ST3GAL4: variants seen among roughly 807,000 people sequenced by gnomAD.
The protein encoded by ST3GAL4 is CMP-N-acetylneuraminate-beta-galactosamide-alpha-2,3-sialyltransferase 4.
ST3GAL4 carries 24 observed loss-of-function variants against 42.6 expected under a neutral mutation model. The observed-to-expected ratio is 0.56, with a 90% confidence interval of 0.41 to 0.79. ST3GAL4 has a LOEUF of 0.79. ST3GAL4 is among the 30% of genes least tolerant of loss of function. The pLI, the probability that ST3GAL4 is intolerant of heterozygous loss-of-function variation, is 0.00. For synonymous variants in ST3GAL4, 135 were observed against 163.2 expected, an observed-to-expected ratio of 0.83 and a Z score of 1.32; for missense variants, 311 against 430.8, an observed-to-expected ratio of 0.72 and a Z score of 2.46.
Position 126,393,037 on chromosome 11 carries a change from C to T in ST3GAL4, c.-60-13059C>T, listed in dbSNP as rs1953578046. 6.7e-6 allele frequency among the ~76,000 whole-genome samples: 1 copy of T among 150,124 alleles called. No homozygotes were observed. Among genetic ancestry groups the T allele is most frequent in the Non-Finnish European group, 1.5e-5 (1 of 67,848 alleles). On this transcript the variant is annotated intron_variant, in intron 1 of 10. Transcript: ENST00000444328. This position sits in a 1 kb window ranked among gnomAD's most constrained non-coding sequence, Gnocchi z 5.9. ...CTTACTGCAGCCTCGATCTCCTGGA[C>T]TCAGGGGGTCCTCCTGTCTCAGCCT...
intron 10 of ST3GAL4, 133 bp from the exon 11 acceptor site, chr11:126,413,828 T>G: frequency 7.1e-7 from 1 of 1,400,948 alleles, no homozygotes; most frequent in South Asian, 1.3e-5. Context: ...GGGCTTTGTC[T>G]TCCTTCCAAG....
chr11:126,389,142 T>A (rs550968970), intron 1 of ST3GAL4, among the ~76,000 whole-genome samples: 103 of 152,346 alleles, frequency 6.8e-4, no homozygotes, highest in African/African-American at 2.4e-3. Flanking sequence ...TTGCACTTGC[T>A]GTCTGTCTCA....
chr11:126,409,576 G>C lies in ST3GAL4; in HGVS notation c.771+165G>C, dbSNP rs1954427799. 6.6e-6 allele frequency among the ~76,000 whole-genome samples: 1 copy of C among 152,190 alleles called. No individual in the cohort carries two copies. Among genetic ancestry groups the C allele is most frequent in the African/African-American group, 2.4e-5 (1 of 41,444 alleles). On this transcript the variant is annotated intron_variant, in intron 9 of 10. Coordinates refer to ENST00000444328, the MANE Select transcript of ST3GAL4 (RefSeq NM_001254757.2). The surrounding 1 kb of genome is among the most constrained non-coding windows in gnomAD (Gnocchi z 4.9). ...ATTAAAGTTGCTGCTGCAAAGGGGA[G>C]TGCACACTTTAGAGAACCAAGGGGC...
intron 9 of ST3GAL4, among the ~76,000 whole-genome samples, chr11:126,412,940 C>T (rs934021397): frequency 2.6e-5 from 4 of 152,236 alleles, no homozygotes; most frequent in African/African-American, 9.7e-5. Context: ...AACATAGTGT[C>T]TGGCACATAG....
chr11:126,396,998 T>C lies in ST3GAL4; in HGVS notation c.-60-9098T>C, dbSNP rs111378978. Among the ~76,000 whole-genome samples the C allele has an allele frequency of 2.6e-5, 4 of 152,122 alleles. No individual in the cohort carries two copies. The highest frequency in any genetic ancestry group is 7.2e-5 in the African/African-American group (3 of 41,436). On this transcript the variant is annotated intron_variant, in intron 1 of 10. Transcript: ENST00000444328. This position sits in a 1 kb window ranked among gnomAD's most constrained non-coding sequence, Gnocchi z 5.8. ...GGATTTCCTACTGGTGTCTAGTAGGTAGAGGCCAGAGATGGCTGCTAAACA... is the reference window on the plus strand; with the variant it reads ...GGATTTCCTACTGGTGTCTAGTAGGCAGAGGCCAGAGATGGCTGCTAAACA...
intron 1 of ST3GAL4, among the ~76,000 whole-genome samples, chr11:126,368,818 CTG>C (rs1952528895): frequency 6.6e-6 from 1 of 152,218 alleles, no homozygotes; most frequent in Non-Finnish European, 1.5e-5. Context: ...TTGCACCCCA[CTG>C]TTTTAACTTG....
rs1368120382 is a variant in ST3GAL4, at chr11:126,397,080, A to C, written c.-60-9016A>C. ...GTGAACTCTCTGGCCCCTCCAAGTC[A>C]GTGGTGCAGAGATTGAGAGATCCTG... On this transcript the variant is annotated intron_variant, in intron 1 of 10. Transcript: ENST00000444328. The surrounding 1 kb of genome is among the most constrained non-coding windows in gnomAD (Gnocchi z 5.0). Among the ~76,000 whole-genome samples, 1 of 152,088 alleles carries C rather than the reference A, an allele frequency of 6.6e-6. No individual in the cohort carries two copies. The highest frequency in any genetic ancestry group is 1.9e-4 in the East Asian group (1 of 5,192).
At position 126,400,110 on chromosome 11, in the gene ST3GAL4, A is replaced by G. The variant is rs557204836; in HGVS notation, c.-60-5986A>G. 6.6e-6 allele frequency among the ~76,000 whole-genome samples: 1 copy of G among 151,078 alleles called. No individual in the cohort carries two copies. Among genetic ancestry groups the G allele is most frequent in the African/African-American group, 2.4e-5 (1 of 41,044 alleles). ...TGGCACCAATTTTCTGTCTTAGTCCATTTTGTGCTGCTGTAACAGAATACC... is the reference window on the plus strand; with the variant it reads ...TGGCACCAATTTTCTGTCTTAGTCCGTTTTGTGCTGCTGTAACAGAATACC... On this transcript the variant is annotated intron_variant, in intron 1 of 10. Transcript: ENST00000444328. The surrounding 1 kb of genome is among the most constrained non-coding windows in gnomAD (Gnocchi z 4.6).
chr11:126,374,800 C>G (rs1035768263), intron 1 of ST3GAL4, among the ~76,000 whole-genome samples: 3 of 152,084 alleles, frequency 2.0e-5, no homozygotes, highest in African/African-American at 4.8e-5. Flanking sequence ...TTGGCACTTG[C>G]AATTAGCGGA....
chr11:126,361,802 C>G (rs1952253111), intron 1 of ST3GAL4, among the ~76,000 whole-genome samples: 1 of 152,032 alleles, frequency 6.6e-6, no homozygotes, highest in African/African-American at 2.4e-5. Flanking sequence ...GGCTCTCAGC[C>G]CTTCCCTCCA....
At chr11:126,369,744 A>T (rs1952571742) in intron 1 of ST3GAL4, among the ~76,000 whole-genome samples, 1 of 152,066 alleles carries the variant, frequency 6.6e-6, no homozygotes, top group African/African-American at 2.4e-5. Context: ...CACACTCATC[A>T]GTTTGAAACA....
Position 126,386,137 on chromosome 11 carries a change from A to G in ST3GAL4, c.-60-19959A>G, listed in dbSNP as rs1953216619. Among the ~76,000 whole-genome samples, 1 of 152,052 alleles carries G rather than the reference A, an allele frequency of 6.6e-6. No individual in the cohort carries two copies. Among genetic ancestry groups the G allele is most frequent in the Admixed American group, 6.5e-5 (1 of 15,272 alleles). On this transcript the variant is annotated intron_variant, in intron 1 of 10. Transcript: ENST00000444328. The surrounding 1 kb of genome is among the most constrained non-coding windows in gnomAD (Gnocchi z 4.7). ...TGCCCTTCATGTAGGCCTCCGGTTT[A>G]TAGCCGGCTCCTCAGAGACATGGTT...
Position 126,392,133 on chromosome 11 carries a change from AC to A in ST3GAL4, c.-60-13959del, listed in dbSNP as rs1434443421. The A allele has an allele frequency of 3.1e-5, 5 of 161,724 alleles. No homozygotes were observed. Among genetic ancestry groups the A allele is most frequent in the African/African-American group, 7.2e-5 (3 of 41,686 alleles). 10.0% of individuals were successfully genotyped at this position (161,724 alleles called of 1,614,324 possible). On this transcript the variant is annotated intron_variant, in intron 1 of 10. Coordinates refer to ENST00000444328, the MANE Select transcript of ST3GAL4 (RefSeq NM_001254757.2). This position sits in a 1 kb window ranked among gnomAD's most constrained non-coding sequence, Gnocchi z 5.8. ...GATTGGCCTGTGGGCCTGAGTCCGTACCCCTTTTCACTGGCTCCTCCTGGAG... is the reference window on the plus strand; with the variant it reads ...GATTGGCCTGTGGGCCTGAGTCCGTACCCTTTTCACTGGCTCCTCCTGGAG...
Position 126,408,287 on chromosome 11 carries a change from ATCC to A in ST3GAL4, c.438-13_438-11del, listed in dbSNP as rs1565426365. 6.2e-7 allele frequency: 1 copy of A among 1,613,048 alleles called. No individual in the cohort carries two copies. Among genetic ancestry groups the A allele is most frequent in the Non-Finnish European group, 8.5e-7 (1 of 1,179,150 alleles). On this transcript the variant is annotated splice_polypyrimidine_tract_variant and intron_variant, in intron 7 of 10. Transcript: ENST00000444328. The stretch of plus-strand genomic sequence containing the variant: ...GCCCAGGAGGCCTCTAGTGATGGGA[ATCC>A]TCCTCCCAACCCCCAGATTGAACAA...
intron 9 of ST3GAL4, among the ~76,000 whole-genome samples, chr11:126,412,663 G>A (rs1954582244): frequency 6.6e-6 from 1 of 152,152 alleles, no homozygotes; most frequent in Non-Finnish European, 1.5e-5. Flanking sequence ...GCAACGTGGT[G>A]AAACCCCATC....
chr11:126,390,158 G>A (rs1250171199), intron 1 of ST3GAL4, among the ~76,000 whole-genome samples: 3 of 151,774 alleles, frequency 2.0e-5, no homozygotes, highest in African/African-American at 7.3e-5. Flanking sequence ...CTCCAGCCTG[G>A]GTGACAGAGC....
At chr11:126,408,232 C>T (rs1298689798) in intron 7 of ST3GAL4, 38 bp downstream of exon 7, 1 of 1,613,092 alleles carries the variant, frequency 6.2e-7, no homozygotes, top group Non-Finnish European at 8.5e-7. Flanking sequence ...TGTTTGGGAA[C>T]TGGATGTCCG....
chr11:126,374,454 CA>C (rs869295718), intron 1 of ST3GAL4, among the ~76,000 whole-genome samples: 8,154 of 63,278 alleles, frequency 0.13, 118 homozygotes, highest in African/African-American at 0.21. Flanking sequence ...ACTTTGTCTC[CA>C]AAAAAAAAAA....
intron 1 of ST3GAL4, among the ~76,000 whole-genome samples, chr11:126,382,861 C>G (rs1276742187): frequency 1.3e-5 from 2 of 152,242 alleles, no homozygotes; most frequent in Non-Finnish European, 2.9e-5. Flanking sequence ...GCAGATGACC[C>G]TGAAATTGCT....
Sources: gnomAD v4.1 joint callset for allele counts (sites outside exome capture counted in the v4.1 genomes callset) on GRCh38, gnomAD v4.1.1 for gene constraint, Gnocchi (gnomAD v3.1) non-coding constraint, MANE v1.5 for transcripts, NCBI Gene and HGNC (gene_info 2026-07-23, HGNC 2026-07-21) for gene names.